The following ARHGAP23 variants were observed in gnomAD, a reference collection of about 807,000 sequenced individuals.
The protein encoded by ARHGAP23 is rho GTPase-activating protein 23.
A neutral mutation model predicts 136.3 loss-of-function variants in ARHGAP23; 34 were observed. That is an observed-to-expected ratio of 0.25 (90% CI 0.19 to 0.33). The LOEUF is 0.33. Ranked by LOEUF, ARHGAP23 falls within the 10% of genes least tolerant of loss-of-function variation. The pLI, the probability that ARHGAP23 is intolerant of heterozygous loss-of-function variation, is 1.00. For missense variants in ARHGAP23, 1,808 were observed against 2,139.0 expected, an observed-to-expected ratio of 0.85 and a Z score of 3.05; for synonymous variants, 832 against 920.5, an observed-to-expected ratio of 0.90 and a Z score of 1.74.
Position 38,453,450 on chromosome 17 carries a change from TGTGTGTGTGTGC to T in ARHGAP23, c.64-4650_64-4639del, listed in dbSNP as rs1476381847. On this transcript the variant is annotated intron_variant, in intron 1 of 23. Coordinates refer to ENST00000622683, the MANE Select transcript of ARHGAP23 (RefSeq NM_001199417.2). ...GTGTGTGTGTGTGTGTGTGTGTGTGTGTGTGTGTGTGCGCGCGCGCGCTGGAAGGGTGCAAGG... is the reference window on the plus strand; with the variant it reads ...GTGTGTGTGTGTGTGTGTGTGTGTGTGCGCGCGCGCTGGAAGGGTGCAAGG... Among the ~76,000 whole-genome samples, 679 of 133,216 alleles carry T rather than the reference TGTGTGTGTGTGC, an allele frequency of 5.1e-3. 6 individuals are homozygous for T. Among genetic ancestry groups the T allele is most frequent in the Middle Eastern group, 0.015 (4 of 262 alleles). 87.4% of individuals were successfully genotyped at this position (133,216 alleles called of 152,430 possible). A position where few individuals can be genotyped will look rare whatever the true frequency, so the allele number is the denominator to read the frequency against.
At chr17:38,475,378 GCCTCAGAGAGGTGCCCTTGTCACCA>G (rs2039869695) in intron 11 of ARHGAP23, among the ~76,000 whole-genome samples, 1 of 152,240 alleles carries the variant, frequency 6.6e-6, no homozygotes, top group Non-Finnish European at 1.5e-5. Context: ...CTCTGGTTTA[GCCTCAGAGAGGTGCCCTTGTCACCA>G]CCTCACTGTC....
In ARHGAP23 at chr17:38,469,234, T is replaced by C. The variant is rs1448640781; in HGVS notation, c.1739T>C (p.Leu580Pro). The change falls in exon 8 of 24, where the codon CTG becomes CCG. Residue 580 changes from leucine (L) to proline (P), a missense_variant. Transcript: ENST00000622683. The stretch of plus-strand genomic sequence containing the variant: ...AGTGCCATGAACTCAGCCCCTGTCC[T>C]GGGCACCAGCCCATCTTCCCCGACC... Reference protein sequence around the residue: ...VSSAMNSAPVLGTSPSSPTFT... With the variant: ...VSSAMNSAPVPGTSPSSPTFT... 1.9e-6 allele frequency: 3 copies of C among 1,551,510 alleles called. No homozygotes were observed. Among genetic ancestry groups the C allele is most frequent in the African/African-American group, 1.4e-5 (1 of 73,038 alleles).
At chr17:38,505,825 G>T (rs1158494529) in intron 23 of ARHGAP23, among the ~76,000 whole-genome samples, 1 of 152,220 alleles carries the variant, frequency 6.6e-6, no homozygotes, top group Non-Finnish European at 1.5e-5. Context: ...CTACTCAGGC[G>T]GCTGAGGCAG....
chr17:38,429,030 C>G (rs549195693), intron 1 of ARHGAP23, among the ~76,000 whole-genome samples: 210 of 152,328 alleles, frequency 1.4e-3, no homozygotes, highest in African/African-American at 4.7e-3. Context: ...CCGGACACCC[C>G]CTCCCCGCGC....
chr17:38,469,670 A>C (rs780082214), intron 9 of ARHGAP23, 35 bp downstream of exon 9: 1 of 1,540,948 alleles, frequency 6.5e-7, no homozygotes, highest in South Asian at 1.2e-5. Context: ...TGGGGTGGCC[A>C]CAGCCACCGT....
At chr17:38,478,112 G>A (rs1261540534) in intron 12 of ARHGAP23, among the ~76,000 whole-genome samples, 5 of 152,218 alleles carry the variant, frequency 3.3e-5, no homozygotes, top group African/African-American at 7.2e-5. Context: ...TGCGGGGACC[G>A]GCAGTCACCA....
chr17:38,438,194 G>A (rs1431958595), intron 1 of ARHGAP23, among the ~76,000 whole-genome samples: 1 of 151,746 alleles, frequency 6.6e-6, no homozygotes, highest in African/African-American at 2.4e-5. Flanking sequence ...GGTGGCATGC[G>A]CCTTTAGTCC....
intron 1 of ARHGAP23, among the ~76,000 whole-genome samples, chr17:38,432,861 T>C (rs2038715404): frequency 6.6e-6 from 1 of 152,144 alleles, no homozygotes; most frequent in Admixed American, 6.6e-5. Context: ...AAAAAAGCTC[T>C]GCCTGCCTTC....
At chr17:38,453,732 C>T (rs1372982310) in intron 1 of ARHGAP23, 1 of 148,736 alleles carries the variant, frequency 6.7e-6, no homozygotes, top group African/African-American at 2.5e-5. Flanking sequence ...CCAATCCAGC[C>T]GTCCTGCCGC....
chr17:38,504,952 C>T (rs2040597555), intron 23 of ARHGAP23, among the ~76,000 whole-genome samples: 1 of 112,206 alleles, frequency 8.9e-6, no homozygotes, highest in South Asian at 3.3e-4. Context: ...TGGAGCTGTT[C>T]ATTACTCAGA....
intron 1 of ARHGAP23, among the ~76,000 whole-genome samples, chr17:38,445,661 G>T (rs1312749483): frequency 2.7e-5 from 4 of 149,602 alleles, no homozygotes; most frequent in African/African-American, 9.9e-5. Flanking sequence ...TTGAGACAGG[G>T]TCTTGCTTTG....
At chr17:38,493,834 C>G (rs2040331855) in intron 20 of ARHGAP23, among the ~76,000 whole-genome samples, 1 of 152,218 alleles carries the variant, frequency 6.6e-6, no homozygotes, top group South Asian at 2.1e-4. Flanking sequence ...ACCTGGGTGT[C>G]TGATCTTGCA....
In ARHGAP23 at chr17:38,466,534, G is replaced by A. The variant is rs865891604; in HGVS notation, c.851G>A (p.Cys284Tyr). The A allele has an allele frequency of 1.2e-5, 18 of 1,472,564 alleles. No homozygotes were observed. In the African/African-American group the frequency reaches 2.4e-4, roughly 20 times the overall value. The allele number at this position is 1,472,564 out of a possible 1,614,324, so 91.2% of individuals were successfully genotyped here. A position where few individuals can be genotyped will look rare whatever the true frequency, so the allele number is the denominator to read the frequency against. ...GSRVPPSRLE[C>Y]QQALSHWLSN... ...CGGGTGCCCCCCAGCAGACTGGAGT[G>A]CCAGCAGGCCTTGTCACACTGGCTG... The change falls in exon 7 of 24, where the codon TGC becomes TAC. Residue 284 changes from cysteine to tyrosine, a missense_variant. By Grantham distance (194) the Cys-to-Tyr change is radical. This residue lies in a region of ARHGAP23 where 859 missense variants were observed against 936.4 expected (regional missense o/e 0.92). Coordinates refer to ENST00000622683, the MANE Select transcript of ARHGAP23 (RefSeq NM_001199417.2).
chr17:38,420,161 G>A (rs2038505788), intron 1 of ARHGAP23, among the ~76,000 whole-genome samples: 1 of 152,196 alleles, frequency 6.6e-6, no homozygotes, highest in African/African-American at 2.4e-5. Flanking sequence ...CCTGCACGGA[G>A]CTCAGCAAAT....
chr17:38,458,083 G>A lies in ARHGAP23; in HGVS notation c.64-19G>A, dbSNP rs568265287. On this transcript the variant is annotated intron_variant, in intron 1 of 23. Transcript: ENST00000622683. ...GTCAGCCACACGGGCGCTCAGCCTG[G>A]CCTCTCTGTCTCCCACAGCTGCCAC... 7 of 1,535,758 alleles carry A rather than the reference G, an allele frequency of 4.6e-6. No individual in the cohort carries two copies. In the African/African-American group the frequency reaches 5.5e-5, roughly 12 times the overall value.
intron 20 of ARHGAP23, among the ~76,000 whole-genome samples, chr17:38,494,356 C>T (rs1486663265): frequency 3.3e-5 from 5 of 152,202 alleles, no homozygotes; most frequent in African/African-American, 9.7e-5. Flanking sequence ...TCATCCTCTT[C>T]GTCGTGGTCA....
At chr17:38,449,787 A>C (rs2039118508) in intron 1 of ARHGAP23, among the ~76,000 whole-genome samples, 1 of 152,094 alleles carries the variant, frequency 6.6e-6, no homozygotes, top group African/African-American at 2.4e-5. Flanking sequence ...GGGTGGGGGC[A>C]TTGTTTGTCA....
Position 38,510,123 on chromosome 17 carries a change from T to G in ARHGAP23, c.3627T>G (p.Thr1209=). The change falls in exon 24 of 24, where the codon ACT becomes ACG. Residue 1209 remains threonine (T), a synonymous_variant. Transcript: ENST00000622683. The surrounding 1 kb of genome is among the most constrained non-coding windows in gnomAD (Gnocchi z 4.6). ...GGGCGGGGGCCACAGCGCCGGGGAC[T>G]CAGGAGCGGCCGCAGGGGCCGCTGC... ...KPGAGATAPG[T]QERPQGPLPG... is the part of the protein sequence containing the mutation. 7.9e-7 allele frequency: 1 copy of G among 1,265,210 alleles called. No homozygotes were observed. The highest frequency in any genetic ancestry group is 9.9e-7 in the Non-Finnish European group (1 of 1,011,970). The allele number at this position is 1,265,210 out of a possible 1,614,324, so 78.4% of individuals were successfully genotyped here.
At chr17:38,458,843 G>T (rs1204409243) in intron 2 of ARHGAP23, among the ~76,000 whole-genome samples, 1 of 152,162 alleles carries the variant, frequency 6.6e-6, no homozygotes, top group Non-Finnish European at 1.5e-5. Flanking sequence ...GTGAATTTGG[G>T]GCTGCCTCCC....
Sources: gnomAD v4.1 joint callset for allele counts (sites outside exome capture counted in the v4.1 genomes callset) on GRCh38, gnomAD v4.1.1 for gene constraint, gnomAD v4.1.1 regional missense constraint, Gnocchi (gnomAD v3.1) non-coding constraint, MANE v1.5 for transcripts, NCBI Gene and HGNC (gene_info 2026-07-23, HGNC 2026-07-21) for gene names.